The following COP1 variants were observed in gnomAD, a reference collection of about 807,000 sequenced individuals.
COP1 encodes the protein E3 ubiquitin-protein ligase COP1.
A neutral mutation model predicts 101.3 loss-of-function variants in COP1; 24 were observed. That is an observed-to-expected ratio of 0.24 (90% CI 0.17 to 0.33). COP1 has a LOEUF of 0.33. Among genes scored for constraint, COP1 ranks in the 10% least tolerant of loss-of-function variants. The pLI, the probability that COP1 is intolerant of heterozygous loss-of-function variation, is 1.00. For missense variants in COP1, 663 were observed against 906.2 expected (o/e 0.73, Z 3.45); for synonymous variants, 347 against 341.9 (o/e 1.01, Z -0.17).
chr1:176,175,244 A>G (rs536260091), intron 3 of COP1, among the ~76,000 whole-genome samples: 6 of 152,308 alleles, frequency 3.9e-5, no homozygotes, highest in African/African-American at 1.4e-4. Flanking sequence ...GCAAAAGCAG[A>G]AACAGTAGGG....
intron 15 of COP1, among the ~76,000 whole-genome samples, chr1:175,995,776 G>A (rs1380923978): frequency 6.6e-6 from 1 of 152,146 alleles, no homozygotes; most frequent in Non-Finnish European, 1.5e-5. Flanking sequence ...ACCAAAAAGA[G>A]TCCAGGACCA....
chr1:176,096,070 C>G (rs773396369), intron 9 of COP1, among the ~76,000 whole-genome samples: 2 of 152,182 alleles, frequency 1.3e-5, no homozygotes, highest in Non-Finnish European at 2.9e-5. Flanking sequence ...ATAAATTCCA[C>G]TTTCCTCATC....
At chr1:176,177,554 T>C (rs559125596) in intron 2 of COP1, among the ~76,000 whole-genome samples, 1 of 152,238 alleles carries the variant, frequency 6.6e-6, no homozygotes, top group South Asian at 2.1e-4. Context: ...ATGTTTTCTT[T>C]GTAGATGTCT....
In COP1 at chr1:175,950,356, T is replaced by C. The variant is rs78507371; in HGVS notation, c.2134-3117A>G. ...GGTAGTATGATTACAAAAAAAGTTA[T>C]TTAGAATTAAACTATCAGATAGCTA... is the stretch of plus-strand genomic sequence containing the variant. On this transcript the variant is annotated intron_variant, in intron 18 of 19. Coordinates refer to ENST00000367669, the MANE Select transcript of COP1 (RefSeq NM_022457.7). Among the ~76,000 whole-genome samples the C allele has an allele frequency of 1.1e-3, 160 of 152,304 alleles. 1 individual carries two copies. The East Asian group carries it at 0.027, about 26-fold the overall frequency.
intron 15 of COP1, among the ~76,000 whole-genome samples, chr1:175,998,048 A>G (rs1332817865): frequency 6.0e-5 from 8 of 134,372 alleles, no homozygotes; most frequent in African/African-American, 2.2e-4. Flanking sequence ...TGTACCCTAA[A>G]ACTTAGAGTA....
In COP1 at chr1:176,175,980, C is replaced by T; in HGVS notation, c.495G>A (p.Glu165=). ...FCYKCIHQSL[E]DNNRCPKCNY... ...TACACTTGGGACATCTATTATTGTCCTCCAAACTCTGATGAATACACTTGT... is the reference window on the plus strand; with the variant it reads ...TACACTTGGGACATCTATTATTGTCTTCCAAACTCTGATGAATACACTTGT... The change falls in exon 3 of 20, where the codon GAG becomes GAA. Residue 165 remains glutamate, a synonymous_variant. Coordinates refer to ENST00000367669, the MANE Select transcript of COP1 (RefSeq NM_022457.7). 1.3e-6 allele frequency: 2 copies of T among 1,583,506 alleles called. No homozygotes were observed. The highest frequency in any genetic ancestry group is 2.2e-5 in the South Asian group (2 of 89,258).
At chr1:176,086,868 G>C (rs1318320867) in intron 9 of COP1, among the ~76,000 whole-genome samples, 1 of 152,226 alleles carries the variant, frequency 6.6e-6, no homozygotes, top group East Asian at 1.9e-4. Context: ...ATACTACAAG[G>C]CTACAGTAAC....
At chr1:176,008,074 A>C (rs1413201837) in intron 15 of COP1, among the ~76,000 whole-genome samples, 4 of 152,122 alleles carry the variant, frequency 2.6e-5, no homozygotes, top group African/African-American at 7.2e-5. Flanking sequence ...CGGTCGGAAA[A>C]GCGCAGTATT....
intron 15 of COP1, among the ~76,000 whole-genome samples, chr1:176,027,306 C>T (rs1667842470): frequency 1.3e-5 from 2 of 152,008 alleles, no homozygotes; most frequent in South Asian, 4.2e-4. Flanking sequence ...AAGTAATAAG[C>T]ATTAATTCAT....
intron 9 of COP1, among the ~76,000 whole-genome samples, chr1:176,096,490 C>A (rs562294029): frequency 1.3e-5 from 2 of 152,334 alleles, no homozygotes; most frequent in East Asian, 1.9e-4. Context: ...ACTGTCCAGG[C>A]CCCAAGGCGG....
chr1:176,002,802 T>C (rs1662063824), intron 15 of COP1, among the ~76,000 whole-genome samples: 1 of 151,020 alleles, frequency 6.6e-6, no homozygotes, highest in Non-Finnish European at 1.5e-5. Flanking sequence ...TTGTGAATAA[T>C]GCCACAATAA....
chr1:175,953,893 T>C (rs999414454), intron 18 of COP1, among the ~76,000 whole-genome samples: 1 of 151,744 alleles, frequency 6.6e-6, no homozygotes, highest in African/African-American at 2.4e-5. Context: ...AAAGACTAAG[T>C]AGAGAGAAAA....
At chr1:176,181,282 T>C (rs1178358229) in intron 2 of COP1, among the ~76,000 whole-genome samples, 7 of 152,162 alleles carry the variant, frequency 4.6e-5, no homozygotes, top group Non-Finnish European at 7.4e-5. Context: ...TTTGAAGTGG[T>C]ATACTGCTTG....
intron 9 of COP1, among the ~76,000 whole-genome samples, chr1:176,104,923 C>A (rs984843007): frequency 3.3e-5 from 5 of 152,054 alleles, no homozygotes; most frequent in Admixed American, 3.3e-4. Context: ...AAGTAAATTA[C>A]AGTACAACCA....
chr1:176,081,236 T>G lies in COP1; in HGVS notation c.1193A>C (p.Lys398Thr), dbSNP rs766634588. Residue 398 changes from lysine (K) to threonine (T), a missense_variant, in exon 11 of 20, where the codon AAG becomes ACG. Physicochemically the swap from Lys to Thr is moderately conservative, Grantham distance 78 (BLOSUM62 -1). Transcript: ENST00000367669. ...TCGTACTGAATTATATCGAGTAAAC[T>G]TGGACAAGCATTCCTGAAATTCATC... is the stretch of plus-strand genomic sequence containing the variant. ...QLDEFQECLSKFTRYNSVRPL... is the reference protein window; with the variant it reads ...QLDEFQECLSTFTRYNSVRPL... 26 of 1,610,266 alleles carry G rather than the reference T, an allele frequency of 1.6e-5. No homozygotes were observed. Among genetic ancestry groups the G allele is most frequent in the African/African-American group, 4.0e-5 (3 of 74,522 alleles).
At chr1:176,142,433 T>C (rs1380157814) in intron 6 of COP1, among the ~76,000 whole-genome samples, 2 of 152,138 alleles carry the variant, frequency 1.3e-5, no homozygotes, top group African/African-American at 4.8e-5. Flanking sequence ...AGAGTAGATT[T>C]ACAAAGCATA....
chr1:176,163,758 C>A, intron 4 of COP1, 57 bp downstream of exon 4: 1 of 1,105,604 alleles, frequency 9.0e-7, no homozygotes, highest in Non-Finnish European at 1.3e-6. Context: ...TAATATTAAA[C>A]CAATAAAAAC....
chr1:176,200,062 C>A (rs1020768890), intron 1 of COP1, among the ~76,000 whole-genome samples: 8 of 152,124 alleles, frequency 5.3e-5, no homozygotes, highest in Non-Finnish European at 1.2e-4. Flanking sequence ...ATACTGGTAC[C>A]ACCATTATTA....
chr1:176,184,597 G>A (rs1205434774), intron 2 of COP1, 36 bp downstream of exon 2: 2 of 1,504,606 alleles, frequency 1.3e-6, no homozygotes, highest in East Asian at 4.6e-5. Flanking sequence ...GTTTTAAAAT[G>A]TTAAAAGATT....
Sources: allele counts gnomAD v4.1 joint callset (sites outside exome capture counted in the v4.1 genomes callset), GRCh38; gene constraint gnomAD v4.1.1; transcripts MANE v1.5; gene names NCBI Gene and HGNC (gene_info 2026-07-23, HGNC 2026-07-21).